The following ZNF334 variants were observed in gnomAD, a reference collection of about 807,000 sequenced individuals.
ZNF334 encodes the protein zinc finger protein 334.
Under a neutral mutation model 12.4 loss-of-function variants are expected in ZNF334, and 14 were observed. The observed-to-expected ratio is 1.13, with a 90% CI of 0.74 to 1.76. ZNF334 has a LOEUF of 1.76. Among genes scored for constraint, ZNF334 ranks in the 40% most tolerant of loss-of-function variants. ZNF334 has a pLI of 0.00. For synonymous variants in ZNF334, 273 were observed against 269.6 expected (o/e 1.01, Z -0.12); for missense variants, 797 against 804.5 (o/e 0.99, Z 0.11).
At chr20:46,509,607 CCTT>C (rs2061569527) in intron 2 of ZNF334, 4 of 703,042 alleles carry the variant, frequency 5.7e-6, no homozygotes, top group Admixed American at 2.0e-5. Flanking sequence ...CTGCCCACCT[CCTT>C]CTCATTTTCC....
the ZNF334 span, chr20:46,492,286 T>C: frequency 6.5e-6 from 1 of 152,830 alleles, no homozygotes; most frequent in South Asian, 2.1e-4. Flanking sequence ...AAGGAACTCA[T>C]ACAGGAGAGA....
At chr20:46,486,001 G>A in the ZNF334 span, among the ~76,000 whole-genome samples, 1 of 151,924 alleles carries the variant, frequency 6.6e-6, no homozygotes, top group Admixed American at 6.6e-5. Flanking sequence ...GATGTTTTTC[G>A]GATCTCTCCA....
the ZNF334 span, among the ~76,000 whole-genome samples, chr20:46,468,515 C>T: frequency 6.6e-6 from 1 of 151,772 alleles, no homozygotes; most frequent in African/African-American, 2.4e-5. Flanking sequence ...GAACTCCTGA[C>T]CTCAGGTGAT....
the ZNF334 span, among the ~76,000 whole-genome samples, chr20:46,479,137 A>C: frequency 5.3e-5 from 8 of 152,132 alleles, no homozygotes; most frequent in Non-Finnish European, 1.0e-4. Context: ...GGCTAAAATC[A>C]AGGTGCTGGA....
At position 46,502,885 on chromosome 20, in the gene ZNF334, C is replaced by T; in HGVS notation, c.454G>A (p.Ala152Thr). 6.2e-7 allele frequency: 1 copy of T among 1,613,602 alleles called. No individual in the cohort carries two copies. The highest frequency in any genetic ancestry group is 1.1e-5 in the South Asian group (1 of 90,986). Residue 152 changes from alanine to threonine, a missense_variant, in exon 5 of 5, where the codon GCA becomes ACA. Ala to Thr is a moderately conservative substitution (Grantham distance 58). Coordinates refer to ENST00000692313, the MANE Select transcript of ZNF334 (RefSeq NM_001353824.2). The part of the protein sequence containing the change: ...SLKTNSEVIV[A>T]KKSKENRKIP... ...TTTCTGTTTTCTTTGCTTTTCTTTG[C>T]AACAATTACTTCTGAATTAGTTTTC...
At position 46,502,698 on chromosome 20, in the gene ZNF334, C is replaced by T. The variant is rs35953695; in HGVS notation, c.641G>A (p.Cys214Tyr). 371 of 1,613,154 alleles carry T rather than the reference C, an allele frequency of 2.3e-4. No homozygotes were observed. In the African/African-American group the frequency reaches 4.4e-3, roughly 19 times the overall value. Residue 214 changes from cysteine (C) to tyrosine (Y), a missense_variant, in exon 5 of 5, where the codon TGT becomes TAT. Coordinates refer to ENST00000692313, the MANE Select transcript of ZNF334 (RefSeq NM_001353824.2). Reference sequence around the variant, plus strand: ...TGCCCTCTTGAAGAAGGTTTTCCCACATTTATTATAGTCAAACGGTTGTTT... The same window carrying T: ...TGCCCTCTTGAAGAAGGTTTTCCCATATTTATTATAGTCAAACGGTTGTTT... ...ILKQPFDYNKCGKTFFKRAIL... is the reference protein window; with the variant it reads ...ILKQPFDYNKYGKTFFKRAIL...
intron 2 of ZNF334, among the ~76,000 whole-genome samples, chr20:46,508,920 T>C (rs1198963951): frequency 1.3e-5 from 2 of 152,206 alleles, no homozygotes; most frequent in Non-Finnish European, 2.9e-5. Context: ...AATGTAATAG[T>C]GGATACATCA....
At chr20:46,487,900 A>C in the ZNF334 span, among the ~76,000 whole-genome samples, 1 of 152,156 alleles carries the variant, frequency 6.6e-6, no homozygotes, top group Non-Finnish European at 1.5e-5. Flanking sequence ...CTCAATGGGG[A>C]GAAGGGAAGA....
In ZNF334 at chr20:46,502,309, T is replaced by C. The variant is rs1266854706; in HGVS notation, c.1030A>G (p.Thr344Ala). Residue 344 changes from threonine to alanine, a missense_variant, in exon 5 of 5, where the codon ACA (threonine) becomes GCA (alanine). Transcript: ENST00000692313. ...SALAEHFRSHTGEKPYECKEC... is the reference protein window; with the variant it reads ...SALAEHFRSHAGEKPYECKEC... ...TTGCATTCGTAAGGCTTCTCCCCTG[T>C]GTGTGACCTGAAATGTTCAGCCAGG... is the stretch of plus-strand genomic sequence containing the variant. The C allele has an allele frequency of 1.2e-6, 2 of 1,614,176 alleles. No individual in the cohort carries two copies. Among genetic ancestry groups the C allele is most frequent in the Non-Finnish European group, 1.7e-6 (2 of 1,180,030 alleles).
At chr20:46,496,821 C>G (rs1312138876), downstream of ZNF334, 1 of 152,208 alleles carries the variant, frequency 6.6e-6, no homozygotes, top group Non-Finnish European at 1.5e-5. Context: ...CTTAGCAACA[C>G]CACAAATGGC....
At chr20:46,464,355 C>T in the ZNF334 span, 1 of 518,334 alleles carries the variant, frequency 1.9e-6, no homozygotes, top group Non-Finnish European at 3.9e-6. Context: ...ATCTTGCTCT[C>T]AAATAGCTTA....
the ZNF334 span, among the ~76,000 whole-genome samples, chr20:46,489,157 G>C: frequency 6.7e-6 from 1 of 150,340 alleles, no homozygotes; most frequent in African/African-American, 2.5e-5. Flanking sequence ...GACTCTAGTT[G>C]CCCAGATGCC....
chr20:46,508,266 T>C (rs544965811), intron 2 of ZNF334, among the ~76,000 whole-genome samples: 1 of 152,350 alleles, frequency 6.6e-6, no homozygotes, highest in African/African-American at 2.4e-5. Flanking sequence ...TGAGTACTAC[T>C]ATGAGCAGGG....
At chr20:46,504,411 G>T in intron 3 of ZNF334, 105 bp from the exon 4 acceptor site, 1 of 1,180,418 alleles carries the variant, frequency 8.5e-7, no homozygotes, top group Non-Finnish European at 1.2e-6. Flanking sequence ...AAGATGCCCA[G>T]CAATAGCTCA....
At chr20:46,473,458 G>T in the ZNF334 span, among the ~76,000 whole-genome samples, 2 of 152,150 alleles carry the variant, frequency 1.3e-5, no homozygotes, top group Non-Finnish European at 2.9e-5. Flanking sequence ...TCAGTTGTAT[G>T]CATGTAAGAT....
Position 46,502,068 on chromosome 20 carries a change from C to T in ZNF334, c.1271G>A (p.Arg424Gln), listed in dbSNP as rs769327321. 66 of 1,614,032 alleles carry T rather than the reference C, an allele frequency of 4.1e-5. No homozygotes were observed. Among genetic ancestry groups the T allele is most frequent in the Admixed American group, 8.3e-5 (5 of 60,002 alleles). Residue 424 changes from arginine (R) to glutamine (Q), a missense_variant, in exon 5 of 5, where the codon CGA becomes CAA. By Grantham distance (43) the Arg-to-Gln change is conservative. Coordinates refer to ENST00000692313, the MANE Select transcript of ZNF334 (RefSeq NM_001353824.2). ...GGGCTTCTCTCCTGTATGACTTCTT[C>T]GATGCACATTGAGGGCAGATTGACA... ...FFCQSALNVH[R>Q]RSHTGEKPYE... is the part of the protein sequence containing the mutation.
chr20:46,492,814 G>A, the ZNF334 span: 1 of 152,148 alleles, frequency 6.6e-6, no homozygotes, highest in South Asian at 2.1e-4. Flanking sequence ...GATCAGAAAT[G>A]TACTTTTTTT....
chr20:46,480,089 T>C, the ZNF334 span, among the ~76,000 whole-genome samples: 1 of 152,212 alleles, frequency 6.6e-6, no homozygotes, highest in African/African-American at 2.4e-5. Flanking sequence ...TCTGACCTCC[T>C]TGGGCACCCT....
At chr20:46,506,694 A>T in intron 2 of ZNF334, 1 of 202,058 alleles carries the variant, frequency 4.9e-6, no homozygotes, top group Non-Finnish European at 9.9e-6. Context: ...GAAACTCATG[A>T]AACTGGTTAC....
Sources: allele counts gnomAD v4.1 joint callset (sites outside exome capture counted in the v4.1 genomes callset), GRCh38; gene constraint gnomAD v4.1.1; transcripts MANE v1.5; gene names NCBI Gene and HGNC (gene_info 2026-07-23, HGNC 2026-07-21).